Variants in KATNA1 observed in about 807,000 individuals in gnomAD.
KATNA1 encodes katanin catalytic subunit A1, also known as katanin p60 ATPase-containing subunit A1.
KATNA1 carries 42 observed loss-of-function variants against 62.6 expected under a neutral mutation model. The ratio of observed to expected loss-of-function variants is 0.67; its 90% CI spans 0.52 to 0.87. The LOEUF (loss-of-function observed/expected upper bound fraction) is 0.87, where lower values mean the gene tolerates loss of function less well. Among genes scored for constraint, KATNA1 ranks in the 40% least tolerant of loss-of-function variants. KATNA1 has a pLI of 0.00. For synonymous variants in KATNA1, 186 were observed against 201.9 expected (o/e 0.92, Z 0.67); for missense variants, 498 against 612.5 (o/e 0.81, Z 1.97).
chr6:149,641,301 C>T (rs1039021584), intron 1 of KATNA1, among the ~76,000 whole-genome samples: 17 of 151,758 alleles, frequency 1.1e-4, no homozygotes, highest in African/African-American at 3.6e-4. Flanking sequence ...CTTAGCCTCC[C>T]GAGTAGCTGG....
At chr6:149,598,949 T>C (rs1459558676) in intron 7 of KATNA1, among the ~76,000 whole-genome samples, 1 of 152,032 alleles carries the variant, frequency 6.6e-6, no homozygotes, top group Non-Finnish European at 1.5e-5. Context: ...ACTTCAACCT[T>C]GAGCTCCTGG....
At chr6:149,631,998 GA>G (rs1319690836) in intron 3 of KATNA1, among the ~76,000 whole-genome samples, 1 of 152,064 alleles carries the variant, frequency 6.6e-6, no homozygotes, top group Non-Finnish European at 1.5e-5. Flanking sequence ...AGCAAATTTA[GA>G]AAAATTTTCC....
At chr6:149,624,819 C>T (rs1224161348) in intron 3 of KATNA1, among the ~76,000 whole-genome samples, 1 of 151,020 alleles carries the variant, frequency 6.6e-6, no homozygotes, top group African/African-American at 2.4e-5. Flanking sequence ...CTCAAATAAA[C>T]CACAGTATAG....
intron 3 of KATNA1, among the ~76,000 whole-genome samples, chr6:149,626,919 G>A (rs1172829475): frequency 6.6e-6 from 1 of 151,834 alleles, no homozygotes; most frequent in East Asian, 1.9e-4. Context: ...GGGAGGCGGA[G>A]GTTGCAGTGA....
At chr6:149,625,856 C>T (rs1054659420) in intron 3 of KATNA1, among the ~76,000 whole-genome samples, 1 of 151,864 alleles carries the variant, frequency 6.6e-6, no homozygotes, top group African/African-American at 2.4e-5. Context: ...ATCGCTTGAA[C>T]CCAGGAGGCA....
At chr6:149,598,157 ACTGGAACTGG>A in intron 8 of KATNA1, 57 bp downstream of exon 8, 2 of 1,568,092 alleles carry the variant, frequency 1.3e-6, no homozygotes, top group South Asian at 2.3e-5. Flanking sequence ...AGTTTGACCC[ACTGGAACTGG>A]AGACACCACA....
At chr6:149,642,527 G>A (rs1018720659) in intron 1 of KATNA1, among the ~76,000 whole-genome samples, 1 of 152,074 alleles carries the variant, frequency 6.6e-6, no homozygotes, top group Non-Finnish European at 1.5e-5. Flanking sequence ...ATCAAGTAGA[G>A]TCAATCTATT....
intron 3 of KATNA1, among the ~76,000 whole-genome samples, chr6:149,629,187 GGAAAGATC>G (rs1779740232): frequency 2.0e-5 from 3 of 152,100 alleles, no homozygotes; most frequent in Admixed American, 2.0e-4. Context: ...TCTATTTGTT[GGAAAGATC>G]TTACCAATAA....
intron 1 of KATNA1, 41 bp from the exon 2 acceptor site, chr6:149,638,601 T>C: frequency 7.1e-7 from 1 of 1,405,272 alleles, no homozygotes; most frequent in South Asian, 1.3e-5. Flanking sequence ...TAGGTTTACA[T>C]GTCTCTTAAA....
At chr6:149,644,809 T>A (rs1241433336) in intron 1 of KATNA1, among the ~76,000 whole-genome samples, 1 of 152,118 alleles carries the variant, frequency 6.6e-6, no homozygotes, top group Non-Finnish European at 1.5e-5. Flanking sequence ...TAGAAGCCAA[T>A]GAATTGATAT....
intron 3 of KATNA1, among the ~76,000 whole-genome samples, chr6:149,627,629 G>A (rs527841772): frequency 6.6e-6 from 1 of 151,358 alleles, no homozygotes; most frequent in Non-Finnish European, 1.5e-5. Flanking sequence ...GCTACAGTGA[G>A]CTGAGATGCA....
At chr6:149,635,968 T>G (rs1043706861) in intron 2 of KATNA1, among the ~76,000 whole-genome samples, 1 of 151,558 alleles carries the variant, frequency 6.6e-6, no homozygotes, top group Non-Finnish European at 1.5e-5. Flanking sequence ...GGCAGAAGAA[T>G]CACTTGAACC....
At chr6:149,630,058 A>T (rs1779771055) in intron 3 of KATNA1, among the ~76,000 whole-genome samples, 1 of 152,248 alleles carries the variant, frequency 6.6e-6, no homozygotes, top group South Asian at 2.1e-4. Context: ...AATGTTGTAA[A>T]TTATGGATAT....
chr6:149,644,438 T>C (rs1162249980), intron 1 of KATNA1, among the ~76,000 whole-genome samples: 2 of 151,672 alleles, frequency 1.3e-5, no homozygotes, highest in East Asian at 3.9e-4. Flanking sequence ...CTGGCCAACA[T>C]AGTGAAACCC....
intron 4 of KATNA1, among the ~76,000 whole-genome samples, chr6:149,613,475 C>A (rs1260929503): frequency 1.3e-5 from 2 of 152,010 alleles, no homozygotes; most frequent in African/African-American, 2.4e-5. Context: ...AAGGAATCTA[C>A]AAAAATTCTC....
chr6:149,607,515 G>A (rs2115092596), intron 4 of KATNA1, among the ~76,000 whole-genome samples: 1 of 152,308 alleles, frequency 6.6e-6, no homozygotes, highest in South Asian at 2.1e-4. Flanking sequence ...TCAAGAGGCT[G>A]AGAGGAGAAT....
At chr6:149,599,050 A>G (rs1461674468) in intron 7 of KATNA1, among the ~76,000 whole-genome samples, 7 of 151,826 alleles carry the variant, frequency 4.6e-5, no homozygotes, top group African/African-American at 1.7e-4. Context: ...TTTTTGGTAG[A>G]GATGGTGTCT....
At chr6:149,624,268 C>A (rs148147746) in intron 3 of KATNA1, among the ~76,000 whole-genome samples, 1 of 152,044 alleles carries the variant, frequency 6.6e-6, no homozygotes, top group Non-Finnish European at 1.5e-5. Context: ...TCAATCTATA[C>A]CATAATTTTT....
At chr6:149,617,760 C>T (rs1044193252) in intron 4 of KATNA1, among the ~76,000 whole-genome samples, 1 of 151,924 alleles carries the variant, frequency 6.6e-6, no homozygotes, top group Non-Finnish European at 1.5e-5. Flanking sequence ...TATGGTGAAA[C>T]CCCGTCTCTA....
Sources: gnomAD v4.1 joint callset for allele counts (sites outside exome capture counted in the v4.1 genomes callset) on GRCh38, gnomAD v4.1.1 for gene constraint, MANE v1.5 for transcripts, NCBI Gene and HGNC (gene_info 2026-07-23, HGNC 2026-07-21) for gene names.